Variants in PTPRQ observed in about 807,000 individuals in gnomAD.
The protein encoded by PTPRQ is protein tyrosine phosphatase receptor type Q, also known as phosphatidylinositol phosphatase PTPRQ.
In PTPRQ, 199 loss-of-function variants were observed where a neutral mutation model predicts 246.0. The ratio of observed to expected loss-of-function variants is 0.81; its 90% CI spans 0.72 to 0.91. The LOEUF is 0.91. Among genes scored for constraint, PTPRQ ranks in the 40% least tolerant of loss-of-function variants. The pLI is 0.00. For synonymous variants in PTPRQ, 869 were observed against 853.2 expected, an observed-to-expected ratio of 1.02 and a Z score of -0.32; for missense variants, 2,624 against 2,528.4, an observed-to-expected ratio of 1.04 and a Z score of -0.81.
intron 25 of PTPRQ, among the ~76,000 whole-genome samples, chr12:80,553,355 A>AT (rs11396845): frequency 0.14 from 20,737 of 151,866 alleles, 1,607 homozygotes; most frequent in African/African-American, 0.2. Context: ...TAGGTAATTG[A>AT]TTTTTTATGG....
chr12:80,543,737 C>A (rs190017136), intron 23 of PTPRQ, among the ~76,000 whole-genome samples: 21 of 152,162 alleles, frequency 1.4e-4, no homozygotes, highest in East Asian at 1.4e-3. Flanking sequence ...TCATCGGGAA[C>A]AATGACTTTC....
At chr12:80,599,655 A>G (rs1898078766) in intron 26 of PTPRQ, among the ~76,000 whole-genome samples, 1 of 151,734 alleles carries the variant, frequency 6.6e-6, no homozygotes, top group Non-Finnish European at 1.5e-5. Flanking sequence ...GGATTTTGTT[A>G]AATTTCATAA....
intron 25 of PTPRQ, among the ~76,000 whole-genome samples, chr12:80,550,422 C>T (rs4842354): frequency 0.58 from 87,551 of 152,094 alleles, 30,168 homozygotes; most frequent in Non-Finnish European, 0.76. Context: ...TCTTTCAAGC[C>T]GTCTTGAGGC....
At chr12:80,513,100 G>C (rs74108878) in intron 17 of PTPRQ, among the ~76,000 whole-genome samples, 4,552 of 152,102 alleles carry the variant, frequency 0.03, 263 homozygotes, top group African/African-American at 0.1. Flanking sequence ...CATCCGTAGG[G>C]GGCTTGTGTT....
chr12:80,671,532 A>T (rs1393603147), intron 42 of PTPRQ, among the ~76,000 whole-genome samples: 1 of 152,148 alleles, frequency 6.6e-6, no homozygotes, highest in East Asian at 1.9e-4. Flanking sequence ...GATTTAAATA[A>T]GAGATAAGAA....
At chr12:80,566,402 C>A (rs1030980692) in intron 25 of PTPRQ, among the ~76,000 whole-genome samples, 16 of 152,062 alleles carry the variant, frequency 1.1e-4, no homozygotes, top group Non-Finnish European at 2.2e-4. Flanking sequence ...TGCTTGAACC[C>A]AGGAGGCGGA....
At chr12:80,637,428 T>C (rs73351562) in intron 35 of PTPRQ, among the ~76,000 whole-genome samples, 4,285 of 152,324 alleles carry the variant, frequency 0.028, 163 homozygotes, top group African/African-American at 0.094. Context: ...TAATTTTTAT[T>C]TTGTTACACA....
intron 25 of PTPRQ, among the ~76,000 whole-genome samples, chr12:80,564,866 C>T (rs1441231694): frequency 6.6e-6 from 1 of 152,068 alleles, no homozygotes; most frequent in Admixed American, 6.6e-5. Flanking sequence ...TTCACAATGT[C>T]TAAGTACAGA....
Position 80,573,019 on chromosome 12 carries a change from C to G in PTPRQ, c.4286-15110C>G, listed in dbSNP as rs1015271430. On this transcript the variant is annotated intron_variant, in intron 25 of 44. Coordinates refer to ENST00000644991, the MANE Select transcript of PTPRQ (RefSeq NM_001145026.2). ...CATCAAAGTTATACTACCCTAATAT[C>G]AGTAGTTGGGGAATGTTCTTTCCTC... Among the ~76,000 whole-genome samples, 7 of 152,110 alleles carry G rather than the reference C, an allele frequency of 4.6e-5. No homozygotes were observed. In the East Asian group the frequency reaches 1.2e-3, roughly 25 times the overall value.
chr12:80,493,147 G>C, intron 9 of PTPRQ, 128 bp from the exon 10 acceptor site: 4 of 1,072,620 alleles, frequency 3.7e-6, no homozygotes, highest in Non-Finnish European at 4.9e-6. Context: ...GAAGACAGTG[G>C]TCATGGAAAT....
chr12:80,444,631 TG>T, intron 1 of PTPRQ, 109 bp from the exon 2 acceptor site: 1 of 794,292 alleles, frequency 1.3e-6, no homozygotes, highest in Non-Finnish European at 2.1e-6. Flanking sequence ...TTATAAACAG[TG>T]CAGAGTTATA....
Position 80,669,076 on chromosome 12 carries a change from A to G in PTPRQ, c.6262A>G (p.Arg2088Gly), listed in dbSNP as rs1900880241. 1 of 1,550,702 alleles carries G rather than the reference A, an allele frequency of 6.4e-7. No individual in the cohort carries two copies. Among genetic ancestry groups the G allele is most frequent in the Non-Finnish European group, 8.7e-7 (1 of 1,146,116 alleles). The change falls in exon 40 of 45, where the codon AGA becomes GGA. Residue 2088 changes from arginine (R) to glycine (G), a missense_variant. Physicochemically the swap from Arg to Gly is moderately radical, Grantham distance 125 (BLOSUM62 -2). Coordinates refer to ENST00000644991, the MANE Select transcript of PTPRQ (RefSeq NM_001145026.2). ...ACCAGGAACAGTTGGAGATTTTTGG[A>G]GAATGGTGTGGGAAACCAGAGCAAA... ...PLPGTVGDFWRMVWETRAKTL... is the reference protein window; with the variant it reads ...PLPGTVGDFWGMVWETRAKTL...
At chr12:80,512,907 C>T (rs4394892) in intron 17 of PTPRQ, 44,830 of 151,910 alleles carry the variant, frequency 0.3, 7,290 homozygotes, top group African/African-American at 0.42. Flanking sequence ...TTCCCTTGTC[C>T]TGCTCTCGGG....
chr12:80,619,895 G>A (rs934983246), intron 31 of PTPRQ, among the ~76,000 whole-genome samples: 7 of 151,392 alleles, frequency 4.6e-5, no homozygotes, highest in Admixed American at 2.0e-4. Context: ...CTTTGGAGGG[G>A]TGAACAAGTG....
intron 9 of PTPRQ, among the ~76,000 whole-genome samples, chr12:80,489,798 G>A (rs543163171): frequency 1.3e-5 from 2 of 151,950 alleles, no homozygotes; most frequent in African/African-American, 2.4e-5. Flanking sequence ...AGTCATTTCC[G>A]TGGACTGCTC....
intron 37 of PTPRQ, among the ~76,000 whole-genome samples, chr12:80,652,069 A>G (rs539583066): frequency 3.9e-5 from 6 of 152,156 alleles, no homozygotes; most frequent in South Asian, 2.1e-4. Context: ...AATTTCACAC[A>G]TGTAAATTTT....
chr12:80,579,685 T>G (rs1429654880), intron 25 of PTPRQ, among the ~76,000 whole-genome samples: 1 of 152,212 alleles, frequency 6.6e-6, no homozygotes, highest in Non-Finnish European at 1.5e-5. Flanking sequence ...TATGCTGAAA[T>G]ATGCTTTGAA....
chr12:80,514,402 A>ACACACT lies in PTPRQ; in HGVS notation c.2678+3960_2678+3961insACACTC, dbSNP rs552667526. ...CACACACACACACACACACACACAC[A>ACACACT]CTCTCTCTCTCTCTCTCTGCTTTAA... On this transcript the variant is annotated intron_variant, in intron 17 of 44. Coordinates refer to ENST00000644991, the MANE Select transcript of PTPRQ (RefSeq NM_001145026.2). 4.0e-3 allele frequency among the ~76,000 whole-genome samples: 455 copies of ACACACT among 113,018 alleles called. 1 individual carries two copies. The highest frequency in any genetic ancestry group is 0.011 in the African/African-American group (338 of 30,976). 74.1% of individuals were successfully genotyped at this position (113,018 alleles called of 152,430 possible).
chr12:80,618,051 C>G (rs1898830644), intron 30 of PTPRQ, among the ~76,000 whole-genome samples: 4 of 151,308 alleles, frequency 2.6e-5, no homozygotes, highest in Admixed American at 1.3e-4. Flanking sequence ...CCCAAAAAAC[C>G]TCTTACACAT....
Sources: allele counts gnomAD v4.1 joint callset (sites outside exome capture counted in the v4.1 genomes callset), GRCh38; gene constraint gnomAD v4.1.1; transcripts MANE v1.5; gene names NCBI Gene and HGNC (gene_info 2026-07-23, HGNC 2026-07-21).